Variants in CFAP299 observed in about 807,000 individuals in gnomAD.
CFAP299 encodes the protein cilia and flagella associated protein 299, also known as cilia- and flagella-associated protein 299.
CFAP299 carries 21 observed loss-of-function variants against 27.0 expected under a neutral mutation model. That is an observed-to-expected ratio of 0.78 (90% CI 0.55 to 1.12). CFAP299 has a LOEUF of 1.12. Ranked by LOEUF, CFAP299 falls within the 50% of genes most tolerant of loss-of-function variation. The pLI is 0.00. For synonymous variants in CFAP299, 104 were observed against 98.1 expected, an observed-to-expected ratio of 1.06 and a Z score of -0.36; for missense variants, 310 against 276.6, an observed-to-expected ratio of 1.12 and a Z score of -0.86.
intron 4 of CFAP299, among the ~76,000 whole-genome samples, chr4:80,924,607 A>C (rs1342251689): frequency 6.7e-6 from 1 of 149,786 alleles, no homozygotes; most frequent in East Asian, 2.0e-4. Context: ...AATCATTTAT[A>C]AGTTACAATT....
At chr4:80,749,902 G>T (rs564912142) in intron 3 of CFAP299, among the ~76,000 whole-genome samples, 1 of 152,276 alleles carries the variant, frequency 6.6e-6, no homozygotes, top group South Asian at 2.1e-4. Context: ...ACAATACTTT[G>T]TATCCTTCAG....
At chr4:80,745,599 G>A (rs957322230) in intron 3 of CFAP299, among the ~76,000 whole-genome samples, 1 of 151,898 alleles carries the variant, frequency 6.6e-6, no homozygotes, top group Non-Finnish European at 1.5e-5. Context: ...AGATAGCACA[G>A]TTTCCATATA....
chr4:80,355,194 T>C (rs1379601743), intron 1 of CFAP299, among the ~76,000 whole-genome samples: 1 of 152,124 alleles, frequency 6.6e-6, no homozygotes, highest in Non-Finnish European at 1.5e-5. Flanking sequence ...CTGTTATTTT[T>C]TGACTTTTTA....
chr4:80,605,757 G>A (rs1737628197), intron 3 of CFAP299, among the ~76,000 whole-genome samples: 1 of 151,950 alleles, frequency 6.6e-6, no homozygotes, highest in Non-Finnish European at 1.5e-5. Flanking sequence ...TCAAACTATA[G>A]GAAAGATACA....
chr4:80,763,001 C>T, intron 3 of CFAP299, among the ~76,000 whole-genome samples: 1 of 152,152 alleles, frequency 6.6e-6, no homozygotes, highest in East Asian at 1.9e-4. Context: ...CATTCCCTAA[C>T]AAATGGCTTG....
chr4:80,400,523 A>G (rs998062402), intron 2 of CFAP299, among the ~76,000 whole-genome samples: 32 of 151,788 alleles, frequency 2.1e-4, no homozygotes, highest in African/African-American at 7.8e-4. Context: ...TTTATCAGGG[A>G]TTTCTGTTTT....
chr4:80,953,594 A>G (rs1737896283), intron 5 of CFAP299, among the ~76,000 whole-genome samples: 1 of 152,152 alleles, frequency 6.6e-6, no homozygotes, highest in South Asian at 2.1e-4. Context: ...CCTCCACTTG[A>G]CCTGAAAAAC....
chr4:80,817,568 T>C (rs1263482961), intron 3 of CFAP299, among the ~76,000 whole-genome samples: 1 of 152,056 alleles, frequency 6.6e-6, no homozygotes, highest in Non-Finnish European at 1.5e-5. Context: ...TGGATACATA[T>C]TTAATAAAAT....
intron 3 of CFAP299, among the ~76,000 whole-genome samples, chr4:80,763,863 C>T (rs2110079418): frequency 6.6e-6 from 1 of 152,224 alleles, no homozygotes; most frequent in South Asian, 2.1e-4. Flanking sequence ...GGAAAGGATT[C>T]CCTATTTAAT....
At chr4:80,728,325 G>T (rs1029135214) in intron 3 of CFAP299, among the ~76,000 whole-genome samples, 1 of 151,942 alleles carries the variant, frequency 6.6e-6, no homozygotes, top group Non-Finnish European at 1.5e-5. Context: ...TAAAGACAAA[G>T]AAATAATACA....
intron 2 of CFAP299, among the ~76,000 whole-genome samples, chr4:80,541,925 A>C (rs1734011456): frequency 6.6e-6 from 1 of 152,154 alleles, no homozygotes; most frequent in Admixed American, 6.5e-5. Flanking sequence ...AAAGGTATCA[A>C]GGACATTAGG....
At chr4:80,834,253 G>A (rs1301447792) in intron 3 of CFAP299, among the ~76,000 whole-genome samples, 1 of 152,188 alleles carries the variant, frequency 6.6e-6, no homozygotes, top group East Asian at 1.9e-4. Flanking sequence ...CTGTCTGAAA[G>A]ATTCCATGTG....
chr4:80,506,536 G>T (rs539356009), intron 2 of CFAP299, among the ~76,000 whole-genome samples: 1 of 152,232 alleles, frequency 6.6e-6, no homozygotes, highest in South Asian at 2.1e-4. Context: ...TTCAGAAAAA[G>T]AAAATTTGGG....
chr4:80,898,851 T>C (rs1734743809), intron 4 of CFAP299, among the ~76,000 whole-genome samples: 1 of 152,112 alleles, frequency 6.6e-6, no homozygotes, highest in African/African-American at 2.4e-5. Flanking sequence ...AGGAAGCCAA[T>C]ACTGAGAGTA....
At chr4:80,859,427 TTA>T (rs1240623994) in intron 3 of CFAP299, among the ~76,000 whole-genome samples, 1 of 152,158 alleles carries the variant, frequency 6.6e-6, no homozygotes, top group African/African-American at 2.4e-5. Flanking sequence ...GTTAATATTG[TTA>T]TGTGTGAATT....
At chr4:80,479,272 G>T (rs983682568) in intron 2 of CFAP299, among the ~76,000 whole-genome samples, 1 of 151,950 alleles carries the variant, frequency 6.6e-6, no homozygotes, top group African/African-American at 2.4e-5. Flanking sequence ...GACTTAAAAT[G>T]TGAAAATATG....
intron 3 of CFAP299, among the ~76,000 whole-genome samples, chr4:80,636,853 T>C (rs146997739): frequency 0.011 from 1,663 of 152,296 alleles, 26 homozygotes; most frequent in African/African-American, 0.038. Context: ...CTAAAATATT[T>C]ACTTGTTCCT....
intron 3 of CFAP299, among the ~76,000 whole-genome samples, chr4:80,743,381 A>C (rs1255246016): frequency 6.6e-6 from 1 of 152,184 alleles, no homozygotes; most frequent in Non-Finnish European, 1.5e-5. Flanking sequence ...ATACATACAT[A>C]CATCAAATAT....
chr4:80,683,821 C>G (rs1560696128), intron 3 of CFAP299, among the ~76,000 whole-genome samples: 1 of 152,154 alleles, frequency 6.6e-6, no homozygotes, highest in Non-Finnish European at 1.5e-5. Context: ...TTACACAGTA[C>G]CTTATCCACA....
Sources: gnomAD v4.1 joint callset for allele counts (sites outside exome capture counted in the v4.1 genomes callset) on GRCh38, gnomAD v4.1.1 for gene constraint, MANE v1.5 for transcripts, NCBI Gene and HGNC (gene_info 2026-07-23, HGNC 2026-07-21) for gene names.